Variants in RADIL observed in about 807,000 individuals in gnomAD.
The protein encoded by RADIL is ras-associating and dilute domain-containing protein.
Under a neutral mutation model 97.6 loss-of-function variants are expected in RADIL, and 99 were observed. The observed-to-expected ratio is 1.01, with a 90% CI of 0.86 to 1.20. RADIL has a LOEUF of 1.20. Among genes scored for constraint, RADIL ranks in the 50% most tolerant of loss-of-function variants. The probability of loss-of-function intolerance (pLI) is 0.00; values close to 1 mark genes in which losing one functional copy is unlikely to be tolerated. For missense variants in RADIL, 1,765 were observed against 1,498.9 expected (o/e 1.18, Z -2.93); for synonymous variants, 803 against 691.8 (o/e 1.16, Z -2.52).
Position 4,835,051 on chromosome 7 carries a change from G to A in RADIL, c.972C>T (p.His324=). ...CCACCTCGGAGAAGTTGACGGAGAT[G>A]TGCGCCCCGGGGATGGGCTCCAGGA... ...RLVLEPIPGA[H]ISVNFSEVGH... The change falls in exon 4 of 15, where the codon CAC becomes CAT. Residue 324 remains histidine (H), a synonymous_variant. Transcript: ENST00000399583. The surrounding 1 kb of genome is among the most constrained non-coding windows in gnomAD (Gnocchi z 5.8). The A allele has an allele frequency of 6.2e-7, 1 of 1,608,948 alleles. No homozygotes were observed.
Position 4,832,155 on chromosome 7 carries a change from C to T in RADIL, c.1440G>A (p.Glu480=). 6.2e-7 allele frequency: 1 copy of T among 1,611,314 alleles called. No individual in the cohort carries two copies. Among genetic ancestry groups the T allele is most frequent in the Non-Finnish European group, 8.5e-7 (1 of 1,178,358 alleles). ...GTCATACTCACAGTTGCGCCTGCTT[C>T]TCTGCTAGTTCTTTGGTTTTCTCCT... ...TVWEKTKELA[E]KQAQLQEPIS... is the part of the protein sequence containing the mutation. Residue 480 remains glutamate, a synonymous_variant, in exon 5 of 15, where the codon GAG becomes GAA. Coordinates refer to ENST00000399583, the MANE Select transcript of RADIL (RefSeq NM_018059.5).
At position 4,798,137 on chromosome 7, in the gene RADIL, C is replaced by CTATATATATA. The variant is rs111926305; in HGVS notation, c.*1231_*1240dup. The CTATATATATA allele has an allele frequency of 1.2e-3, 176 of 146,646 alleles. No individual in the cohort carries two copies. Among genetic ancestry groups the CTATATATATA allele is most frequent in the African/African-American group, 4.1e-3 (166 of 40,370 alleles). The allele number at this position is 146,646 out of a possible 1,614,324, so 9.1% of individuals were successfully genotyped here. A position where few individuals can be genotyped will look rare whatever the true frequency, so the allele number is the denominator to read the frequency against. On this transcript the variant is annotated 3_prime_UTR_variant, in exon 15 of 15. Coordinates refer to ENST00000399583, the MANE Select transcript of RADIL (RefSeq NM_018059.5). ...CATATCTTAAATATATATACAAACA[C>CTATATATATA]TATATATATATATATATTTTATCCA...
chr7:4,816,523 C>T (rs946144055), intron 7 of RADIL, 58 bp from the exon 8 acceptor site: 26 of 1,448,638 alleles, frequency 1.8e-5, no homozygotes, highest in African/African-American at 1.3e-4. Flanking sequence ...GGCGGCCGAA[C>T]GGGGGGCCTG....
intron 12 of RADIL, among the ~76,000 whole-genome samples, 179 bp from the exon 13 acceptor site, chr7:4,800,489 C>T (rs994039684): frequency 2.6e-5 from 4 of 152,110 alleles, no homozygotes; most frequent in South Asian, 2.1e-4. Flanking sequence ...GGTCGGGGTC[C>T]GCCCATGGGC....
At chr7:4,860,641 T>C in intron 2 of RADIL, 3 of 1,614,098 alleles carry the variant, frequency 1.9e-6, no homozygotes, top group Non-Finnish European at 1.7e-6. Context: ...AGCCCACCCA[T>C]TCTAAATGTT....
intron 2 of RADIL, chr7:4,861,875 G>A (rs1784017540): frequency 8.5e-7 from 1 of 1,178,500 alleles, no homozygotes; most frequent in Middle Eastern, 3.0e-4. Context: ...CGCCGCCCGG[G>A]TCATGATCCG....
At chr7:4,853,742 CAAAA>C (rs34610093) in intron 2 of RADIL, among the ~76,000 whole-genome samples, 2 of 101,068 alleles carry the variant, frequency 2.0e-5, no homozygotes, top group African/African-American at 7.3e-5. Flanking sequence ...AACTCTGTCT[CAAAA>C]AAAAAAAAAA....
rs1160927283 is a variant in RADIL, at chr7:4,842,730, C to T, written c.536-6125G>A. ...AATAATGATATATACAACTTGGAAC[C>T]GTTTCTGTCACCCATCCCCACTCGC... On this transcript the variant is annotated intron_variant, in intron 2 of 14. Coordinates refer to ENST00000399583, the MANE Select transcript of RADIL (RefSeq NM_018059.5). The surrounding 1 kb of genome is among the most constrained non-coding windows in gnomAD (Gnocchi z 4.5). Among the ~76,000 whole-genome samples, 3 of 152,130 alleles carry T rather than the reference C, an allele frequency of 2.0e-5. No homozygotes were observed. Among genetic ancestry groups the T allele is most frequent in the Admixed American group, 6.5e-5 (1 of 15,278 alleles).
Position 4,877,825 on chromosome 7 carries a change from C to T in RADIL, c.315G>A (p.Arg105=). Residue 105 remains arginine (R), a synonymous_variant, in exon 2 of 15, where the codon AGG becomes AGA. Coordinates refer to ENST00000399583, the MANE Select transcript of RADIL (RefSeq NM_018059.5). ...EALERYALDP[R]QAGQYVLCDV... is the part of the protein sequence containing the mutation. Reference sequence around the variant, plus strand: ...CACACAGCACGTACTGGCCGGCCTGCCTGGGGTCCAGGGCGTACCGCTCCA... The same window carrying T: ...CACACAGCACGTACTGGCCGGCCTGTCTGGGGTCCAGGGCGTACCGCTCCA... 1 of 1,608,588 alleles carries T rather than the reference C, an allele frequency of 6.2e-7. No homozygotes were observed. Among genetic ancestry groups the T allele is most frequent in the Non-Finnish European group, 8.5e-7 (1 of 1,179,862 alleles).
chr7:4,838,982 C>T (rs954105582), intron 2 of RADIL, among the ~76,000 whole-genome samples: 1 of 151,976 alleles, frequency 6.6e-6, no homozygotes, highest in African/African-American at 2.4e-5. Flanking sequence ...CATTCAGCAC[C>T]GCTTGAGTTA....
chr7:4,806,001 CA>C, intron 9 of RADIL: 2 of 985,476 alleles, frequency 2.0e-6, no homozygotes, highest in Non-Finnish European at 2.4e-6. Context: ...AGGCGGCCGC[CA>C]ACCAGAGAAA....
At chr7:4,852,122 G>A (rs1017834597) in intron 2 of RADIL, among the ~76,000 whole-genome samples, 1 of 152,152 alleles carries the variant, frequency 6.6e-6, no homozygotes, top group African/African-American at 2.4e-5. Flanking sequence ...TCCTCATCCG[G>A]CCCACAGGCT....
chr7:4,863,468 C>G (rs959260007), intron 2 of RADIL, among the ~76,000 whole-genome samples: 2 of 152,120 alleles, frequency 1.3e-5, no homozygotes, highest in Non-Finnish European at 2.9e-5. Context: ...GCTTGGAATG[C>G]CTGTGTAGAC....
At chr7:4,816,140 C>A in intron 8 of RADIL, 88 bp downstream of exon 8, 1 of 1,307,166 alleles carries the variant, frequency 7.7e-7, no homozygotes, top group Non-Finnish European at 1.1e-6. Flanking sequence ...GGCAGAGCCG[C>A]CTCCAGGAGC....
intron 11 of RADIL, among the ~76,000 whole-genome samples, chr7:4,802,635 T>G: frequency 9.1e-6 from 1 of 109,448 alleles, no homozygotes. Flanking sequence ...CTGGACCCCC[T>G]CCCCGGGCAC....
chr7:4,855,102 G>T (rs1385060862), intron 2 of RADIL, among the ~76,000 whole-genome samples: 1 of 152,156 alleles, frequency 6.6e-6, no homozygotes, highest in Admixed American at 6.5e-5. Context: ...GACGCAGGCA[G>T]CTACGGTCTA....
rs1784149868 is a variant in RADIL, at chr7:4,867,194, G to A, written c.535+10411C>T. Reference sequence around the variant, plus strand: ...TAAAGCAGAGCCTAAAGGTGTTGAGGGGCACACAGGCACACGAGGCTTCTG... The same window carrying A: ...TAAAGCAGAGCCTAAAGGTGTTGAGAGGCACACAGGCACACGAGGCTTCTG... On this transcript the variant is annotated intron_variant, in intron 2 of 14. Coordinates refer to ENST00000399583, the MANE Select transcript of RADIL (RefSeq NM_018059.5). The surrounding 1 kb of genome is among the most constrained non-coding windows in gnomAD (Gnocchi z 4.1). 6.6e-6 allele frequency among the ~76,000 whole-genome samples: 1 copy of A among 152,130 alleles called. No homozygotes were observed. Among genetic ancestry groups the A allele is most frequent in the East Asian group, 1.9e-4 (1 of 5,186 alleles).
Position 4,872,302 on chromosome 7 carries a change from C to A in RADIL, c.535+5303G>T, listed in dbSNP as rs1034872590. Among the ~76,000 whole-genome samples the A allele has an allele frequency of 6.6e-6, 1 of 152,246 alleles. No individual in the cohort carries two copies. The highest frequency in any genetic ancestry group is 2.4e-5 in the African/African-American group (1 of 41,470). On this transcript the variant is annotated intron_variant, in intron 2 of 14. Coordinates refer to ENST00000399583, the MANE Select transcript of RADIL (RefSeq NM_018059.5). This position sits in a 1 kb window ranked among gnomAD's most constrained non-coding sequence, Gnocchi z 5.8. ...CACAGGAGCCAGGGACACTGCTCAT[C>A]GCCCTGCAACCACGGACGCCTCCCT...
rs140891342 is a variant in RADIL at position 4,815,372 on chromosome 7, C to T, written c.2045G>A (p.Arg682Gln). 116 of 1,562,786 alleles carry T rather than the reference C, an allele frequency of 7.4e-5. 1 individual carries two copies. In the Admixed American group the frequency reaches 7.6e-4, roughly 10 times the overall value. The change falls in exon 9 of 15, where the codon CGG (arginine) becomes CAG (glutamine). Residue 682 changes from arginine to glutamine, a missense_variant. Arg to Gln is a conservative substitution (Grantham distance 43). Transcript: ENST00000399583. This position sits in a 1 kb window ranked among gnomAD's most constrained non-coding sequence, Gnocchi z 8.0. Reference protein sequence around the residue: ...ARLQQLLEWMRSAGFGAAGEH... With the variant: ...ARLQQLLEWMQSAGFGAAGEH... ...TCCAGCCGCCCCGAAGCCGGCGCTCCGCATCCACTCCAGGAGCTGCTGCAG... is the reference window on the plus strand; with the variant it reads ...TCCAGCCGCCCCGAAGCCGGCGCTCTGCATCCACTCCAGGAGCTGCTGCAG...
Sources: allele counts gnomAD v4.1 joint callset (sites outside exome capture counted in the v4.1 genomes callset), GRCh38; gene constraint gnomAD v4.1.1; non-coding constraint Gnocchi (gnomAD v3.1); transcripts MANE v1.5; gene names NCBI Gene and HGNC (gene_info 2026-07-23, HGNC 2026-07-21).